The following FZR1 variants were observed in gnomAD, a reference collection of about 807,000 sequenced individuals.
FZR1 encodes fizzy and cell division cycle 20 related 1.
Under a neutral mutation model 63.6 loss-of-function variants are expected in FZR1, and 11 were observed. The observed-to-expected ratio is 0.17, with a 90% CI of 0.11 to 0.29. The LOEUF is 0.29. Among genes scored for constraint, FZR1 ranks in the 10% least tolerant of loss-of-function variants. The pLI is 1.00. For synonymous variants in FZR1, 328 were observed against 297.9 expected (o/e 1.10, Z -1.04); for missense variants, 440 against 687.5 (o/e 0.64, Z 4.03).
At chr19:3,512,692 C>T (rs557400935) in intron 1 of FZR1, among the ~76,000 whole-genome samples, 10 of 152,234 alleles carry the variant, frequency 6.6e-5, no homozygotes, top group African/African-American at 2.4e-4. Flanking sequence ...CTCACGTGCT[C>T]TGACAAGGCC....
At chr19:3,532,192 C>T (rs538644313) in intron 10 of FZR1, 97 bp downstream of exon 10, 12 of 1,187,722 alleles carry the variant, frequency 1.0e-5, no homozygotes, top group Middle Eastern at 5.9e-4. Flanking sequence ...GGCGCGGGCG[C>T]GGGGCCCACT....
At chr19:3,518,016 T>C (rs1055722419) in intron 1 of FZR1, among the ~76,000 whole-genome samples, 76 of 146,110 alleles carry the variant, frequency 5.2e-4, no homozygotes, top group African/African-American at 1.8e-3. Context: ...TCTTTCTTTT[T>C]TTTTTTTTTT....
intron 12 of FZR1, among the ~76,000 whole-genome samples, chr19:3,534,068 T>C (rs1039319413): frequency 1.3e-5 from 2 of 151,780 alleles, no homozygotes; most frequent in South Asian, 2.1e-4. Context: ...ACAAAACTTT[T>C]TTTAAATGAG....
chr19:3,533,852 G>C lies in FZR1; in HGVS notation c.1347+454G>C, dbSNP rs915613535. The C allele has an allele frequency of 1.1e-5, 2 of 174,390 alleles. No individual in the cohort carries two copies. The highest frequency in any genetic ancestry group is 2.4e-5 in the Non-Finnish European group (2 of 82,784). The allele number at this position is 174,390 out of a possible 1,614,324, so 10.8% of individuals were successfully genotyped here. On this transcript the variant is annotated intron_variant, in intron 12 of 13. Coordinates refer to ENST00000441788, the MANE Select transcript of FZR1 (RefSeq NM_016263.4). The surrounding 1 kb of genome is among the most constrained non-coding windows in gnomAD (Gnocchi z 4.9). ...AAACATGTTCTGTGCTTTCATCCGC[G>C]CATCTGACAGTCCCTCATCTGTGCA...
At chr19:3,507,650 GAC>G (rs1555690802) in intron 1 of FZR1, among the ~76,000 whole-genome samples, 2 of 152,172 alleles carry the variant, frequency 1.3e-5, no homozygotes, top group Non-Finnish European at 2.9e-5. Flanking sequence ...ATCCACCAAG[GAC>G]ACACACCACC....
Position 3,533,154 on chromosome 19 carries a change from T to A in FZR1, c.1243-140T>A. On this transcript the variant is annotated intron_variant, in intron 11 of 13. Transcript: ENST00000441788. This position sits in a 1 kb window ranked among gnomAD's most constrained non-coding sequence, Gnocchi z 4.9. Reference sequence around the variant, plus strand: ...GACAGACTCAGGTGGCAGAGCCACATCCCAGCATCCCCTGCTCCTCCTGGG... The same window carrying A: ...GACAGACTCAGGTGGCAGAGCCACAACCCAGCATCCCCTGCTCCTCCTGGG... 1 of 658,562 alleles carries A rather than the reference T, an allele frequency of 1.5e-6. No individual in the cohort carries two copies. The highest frequency in any genetic ancestry group is 2.7e-6 in the Non-Finnish European group (1 of 363,828). The allele number at this position is 658,562 out of a possible 1,614,324, so 40.8% of individuals were successfully genotyped here.
chr19:3,511,068 C>T (rs745818411), intron 1 of FZR1, among the ~76,000 whole-genome samples: 5 of 152,224 alleles, frequency 3.3e-5, no homozygotes, highest in Non-Finnish European at 5.9e-5. Context: ...AACCTGATGG[C>T]GCTCCATCCG....
At chr19:3,522,315 A>G (rs2083110091) in intron 1 of FZR1, among the ~76,000 whole-genome samples, 1 of 151,860 alleles carries the variant, frequency 6.6e-6, no homozygotes, top group Non-Finnish European at 1.5e-5. Context: ...ACTTTTCTTC[A>G]CACCTCAACA....
intron 1 of FZR1, among the ~76,000 whole-genome samples, chr19:3,512,498 G>A (rs535088778): frequency 3.0e-4 from 46 of 152,276 alleles, no homozygotes; most frequent in Non-Finnish European, 5.9e-4. Flanking sequence ...GGCTGATCCC[G>A]TCGAAAGCCC....
At position 3,535,096 on chromosome 19, in the gene FZR1, T is replaced by C. The variant is rs999339636; in HGVS notation, c.*260T>C. ...CCCTTCCCAAAGGGCGAGAACCACATTGGACGGTCCCGGCTCAGACCGTCT... is the reference window on the plus strand; with the variant it reads ...CCCTTCCCAAAGGGCGAGAACCACACTGGACGGTCCCGGCTCAGACCGTCT... On this transcript the variant is annotated 3_prime_UTR_variant, in exon 14 of 14. Coordinates refer to ENST00000441788, the MANE Select transcript of FZR1 (RefSeq NM_016263.4). 3 of 554,210 alleles carry C rather than the reference T, an allele frequency of 5.4e-6. No homozygotes were observed. The highest frequency in any genetic ancestry group is 9.7e-6 in the Non-Finnish European group (3 of 308,544). 34.3% of individuals were successfully genotyped at this position (554,210 alleles called of 1,614,324 possible).
chr19:3,522,934 T>TCTCCTG lies in FZR1; in HGVS notation c.-34-20_-34-15dup, dbSNP rs2083116419. ...GGCAGCCGGCCCTGCCCCACTCACCTCTCCTGCCCTTCCCGCTGCAGGCTA... is the reference window on the plus strand; with the variant it reads ...GGCAGCCGGCCCTGCCCCACTCACCTCTCCTGCTCCTGCCCTTCCCGCTGCAGGCTA... On this transcript the variant is annotated intron_variant, in intron 1 of 13. Transcript: ENST00000441788. The TCTCCTG allele has an allele frequency of 3.9e-6, 5 of 1,272,058 alleles. No individual in the cohort carries two copies. The South Asian group carries it at 4.7e-5, about 12-fold the overall frequency. 78.8% of individuals were successfully genotyped at this position (1,272,058 alleles called of 1,614,324 possible).
In FZR1 at chr19:3,526,199, C is replaced by T. The variant is rs750701371; in HGVS notation, c.259+16C>T. 1.9e-5 allele frequency: 30 copies of T among 1,612,142 alleles called. No individual in the cohort carries two copies. Among genetic ancestry groups the T allele is most frequent in the Non-Finnish European group, 2.4e-5 (28 of 1,179,950 alleles). ...AACGGCAAAGGTTAGGGTCCCAGCC[C>T]ATCCGCCCTGCAGGCCCCCACCCTG... On this transcript the variant is annotated intron_variant, in intron 4 of 13. Transcript: ENST00000441788. The surrounding 1 kb of genome is among the most constrained non-coding windows in gnomAD (Gnocchi z 5.4).
At chr19:3,508,200 C>CTTTTTTTTTTTTTTT (rs71166908) in intron 1 of FZR1, among the ~76,000 whole-genome samples, 1 of 91,116 alleles carries the variant, frequency 1.1e-5, no homozygotes, top group African/African-American at 4.7e-5. Context: ...CATTGATTTT[C>CTTTTTTTTTTTTTTT]TTTTTTTTTT....
chr19:3,521,272 C>T (rs996547176), intron 1 of FZR1: 3 of 152,152 alleles, frequency 2.0e-5, no homozygotes, highest in African/African-American at 7.2e-5. Flanking sequence ...ATAACTTTAT[C>T]ATCACTTAAC....
Position 3,529,246 on chromosome 19 carries a change from G to A in FZR1, c.654+1432G>A, listed in dbSNP as rs1056980575. On this transcript the variant is annotated intron_variant, in intron 7 of 13. Coordinates refer to ENST00000441788, the MANE Select transcript of FZR1 (RefSeq NM_016263.4). ...AGCGGATGGGAGAGCGGATGAGAGT[G>A]GTTGAGGGAGTGGATGGGAGAGTGG... Among the ~76,000 whole-genome samples, 14 of 148,888 alleles carry A rather than the reference G, an allele frequency of 9.4e-5. No homozygotes were observed. In the East Asian group the frequency reaches 1.2e-3, roughly 13 times the overall value.
rs1191195889 is a variant in FZR1, at chr19:3,535,151, C to T, written c.*315C>T. The T allele has an allele frequency of 1.6e-5, 7 of 433,124 alleles. No homozygotes were observed. The highest frequency in any genetic ancestry group is 2.6e-5 in the Non-Finnish European group (6 of 234,782). 26.8% of individuals were successfully genotyped at this position (433,124 alleles called of 1,614,324 possible). ...TCAGAGCGACGGATGCCCCCTGGGA[C>T]CCTCACTGCCTCCGTCTGTTCATCA... On this transcript the variant is annotated 3_prime_UTR_variant, in exon 14 of 14. Coordinates refer to ENST00000441788, the MANE Select transcript of FZR1 (RefSeq NM_016263.4).
chr19:3,520,228 G>A (rs550785945), intron 1 of FZR1, among the ~76,000 whole-genome samples: 112 of 152,320 alleles, frequency 7.4e-4, no homozygotes, highest in African/African-American at 2.7e-3. Flanking sequence ...AGGCAGCTGT[G>A]CCCTGTGGAG....
chr19:3,523,996 G>C (rs561957125), intron 2 of FZR1, among the ~76,000 whole-genome samples: 1 of 152,370 alleles, frequency 6.6e-6, no homozygotes, highest in East Asian at 1.9e-4. Context: ...AGGATCGTGC[G>C]TGATGTAGCA....
intron 7 of FZR1, among the ~76,000 whole-genome samples, chr19:3,528,210 G>A (rs1055609827): frequency 5.3e-5 from 8 of 152,270 alleles, no homozygotes; most frequent in South Asian, 4.1e-4. Flanking sequence ...CCGAGTGGCC[G>A]CTGTCCTGGA....
Sources: gnomAD v4.1 joint callset for allele counts (sites outside exome capture counted in the v4.1 genomes callset) on GRCh38, gnomAD v4.1.1 for gene constraint, Gnocchi (gnomAD v3.1) non-coding constraint, MANE v1.5 for transcripts, NCBI Gene and HGNC (gene_info 2026-07-23, HGNC 2026-07-21) for gene names.